The following SLC6A13 variants were observed in gnomAD, a reference collection of about 807,000 sequenced individuals.
SLC6A13 encodes sodium- and chloride-dependent GABA transporter 2.
A neutral mutation model predicts 72.9 loss-of-function variants in SLC6A13; 69 were observed. That is an observed-to-expected ratio of 0.95 (90% CI 0.78 to 1.16). The LOEUF is 1.16. Among genes scored for constraint, SLC6A13 ranks in the 50% most tolerant of loss-of-function variants. SLC6A13 has a pLI of 0.00. For synonymous variants in SLC6A13, 303 were observed against 303.0 expected, an observed-to-expected ratio of 1.00 and a Z score of 0.00; for missense variants, 735 against 760.5, an observed-to-expected ratio of 0.97 and a Z score of 0.39.
chr12:222,711 G>T, intron 12 of SLC6A13, 79 bp from the exon 13 acceptor site: 3 of 821,350 alleles, frequency 3.7e-6, no homozygotes, highest in South Asian at 3.2e-5. Flanking sequence ...GCCACAAACA[G>T]ACCAGAATGG....
Position 239,660 on chromosome 12 carries a change from T to A in SLC6A13, c.479-1650A>T, listed in dbSNP as rs185126999. Among the ~76,000 whole-genome samples, 803 of 152,302 alleles carry A rather than the reference T, an allele frequency of 5.3e-3. 2 individuals are homozygous for A. The highest frequency in any genetic ancestry group is 0.01 in the Middle Eastern group (3 of 294). ...TTATGTCTACCTCCCATCGCTACAA[T>A]GAAAGCCCCAGGAGGGTGGGGTCTT... On this transcript the variant is annotated intron_variant, in intron 4 of 14. Transcript: ENST00000343164.
intron 8 of SLC6A13, 103 bp downstream of exon 8, chr12:227,462 G>T (rs1941509175): frequency 6.4e-7 from 1 of 1,553,912 alleles, no homozygotes; most frequent in African/African-American, 1.4e-5. Flanking sequence ...CAGGGGGGCA[G>T]ATCCAGGAGC....
At chr12:225,723 A>T (rs1941422989) in intron 9 of SLC6A13, among the ~76,000 whole-genome samples, 1 of 151,980 alleles carries the variant, frequency 6.6e-6, no homozygotes. Flanking sequence ...ACAGACATCC[A>T]CTGCCCAGGG....
At chr12:222,457 C>A in intron 13 of SLC6A13, 75 bp downstream of exon 13, 2 of 837,908 alleles carry the variant, frequency 2.4e-6, no homozygotes, top group Non-Finnish European at 3.8e-6. Flanking sequence ...CATTGCAGGG[C>A]TAACGGCTTC....
At chr12:247,088 TG>T (rs1421438082) in intron 2 of SLC6A13, among the ~76,000 whole-genome samples, 5 of 148,378 alleles carry the variant, frequency 3.4e-5, no homozygotes, top group Non-Finnish European at 7.5e-5. Context: ...TATGCCTAAG[TG>T]GTGAGACAGC....
At chr12:242,055 C>T in intron 4 of SLC6A13, among the ~76,000 whole-genome samples, 1 of 152,190 alleles carries the variant, frequency 6.6e-6, no homozygotes. Flanking sequence ...TGTGGGTGTG[C>T]ACTCTGTGCT....
intron 11 of SLC6A13, 62 bp from the exon 12 acceptor site, chr12:223,296 C>T: frequency 9.2e-7 from 1 of 1,083,732 alleles, no homozygotes; most frequent in South Asian, 1.4e-5. Context: ...AGATTCACTC[C>T]TATGCCCTTT....
chr12:235,164 C>T lies in SLC6A13; in HGVS notation c.757G>A (p.Val253Met), dbSNP rs374794239. 15 of 1,614,166 alleles carry T rather than the reference C, an allele frequency of 9.3e-6. No homozygotes were observed. The highest frequency in any genetic ancestry group is 1.3e-5 in the Non-Finnish European group (15 of 1,180,002). Residue 253 changes from valine (V) to methionine (M), a missense_variant, in exon 7 of 15, where the codon GTG (valine) becomes ATG (methionine). Coordinates refer to ENST00000343164, the MANE Select transcript of SLC6A13 (RefSeq NM_016615.5). ...CCTTGGGCTGCCCCAGGCAACGTCA[C>T]CCCTCGAATTAACAGGACCACCAGC... ...LMLVVLLIRG[V>M]TLPGAAQGIQ...
chr12:243,393 C>G (rs1221342822), intron 3 of SLC6A13, among the ~76,000 whole-genome samples: 2 of 152,194 alleles, frequency 1.3e-5, no homozygotes, highest in Non-Finnish European at 2.9e-5. Context: ...TTAAATATGT[C>G]TTAAAATACA....
At position 221,063 on chromosome 12, in the gene SLC6A13, C is replaced by T. The variant is rs141229734; in HGVS notation, c.1694G>A (p.Arg565His). The T allele has an allele frequency of 3.1e-5, 49 of 1,604,010 alleles. No homozygotes were observed. The highest frequency in any genetic ancestry group is 5.3e-5 in the African/African-American group (4 of 74,866). ...TLKGPFRERIRQLMCPAEDLP... is the reference protein window; with the variant it reads ...TLKGPFRERIHQLMCPAEDLP... ...GTCCTCGGCTGGGCACATGAGCTGACGGATTCTCTGCGGGGATAGCAGAGG... is the reference window on the plus strand; with the variant it reads ...GTCCTCGGCTGGGCACATGAGCTGATGGATTCTCTGCGGGGATAGCAGAGG... Residue 565 changes from arginine (R) to histidine (H), a missense_variant, in exon 15 of 15, where the codon CGT becomes CAT. By Grantham distance (29) the Arg-to-His change is conservative. Coordinates refer to ENST00000343164, the MANE Select transcript of SLC6A13 (RefSeq NM_016615.5).
intron 5 of SLC6A13, among the ~76,000 whole-genome samples, chr12:237,702 G>A (rs893862009): frequency 5.9e-5 from 9 of 152,288 alleles, no homozygotes; most frequent in Admixed American, 1.3e-4. Flanking sequence ...AACACGGGGC[G>A]GGGGTGCGGG....
intron 9 of SLC6A13, 122 bp downstream of exon 9, chr12:226,268 C>G (rs3782867): frequency 0.15 from 177,488 of 1,178,936 alleles, 14,571 homozygotes; most frequent in Non-Finnish European, 0.17. Context: ...CAGAACGCAT[C>G]CACTGAATGG....
rs1225963164 is a variant in SLC6A13, at chr12:223,985, C to T, written c.1311+7G>A. The T allele has an allele frequency of 1.2e-6, 2 of 1,613,944 alleles. No homozygotes were observed. The highest frequency in any genetic ancestry group is 1.7e-6 in the Non-Finnish European group (2 of 1,179,888). On this transcript the variant is annotated splice_region_variant and intron_variant, in intron 11 of 14. Coordinates refer to ENST00000343164, the MANE Select transcript of SLC6A13 (RefSeq NM_016615.5). Reference sequence around the variant, plus strand: ...CCCCAGCCTTCCCCCGCTTCCCAGGCCCTCACCTCTGTGAGCATGATCAGC... The same window carrying T: ...CCCCAGCCTTCCCCCGCTTCCCAGGTCCTCACCTCTGTGAGCATGATCAGC...
intron 1 of SLC6A13, among the ~76,000 whole-genome samples, chr12:261,137 A>T (rs1282916136): frequency 6.6e-6 from 1 of 152,198 alleles, no homozygotes; most frequent in East Asian, 1.9e-4. Context: ...TTAACCATTC[A>T]CTGTCAGAAA....
Position 245,845 on chromosome 12 carries a change from C to T in SLC6A13, c.203-2032G>A, listed in dbSNP as rs957211958. On this transcript the variant is annotated intron_variant, in intron 2 of 14. Transcript: ENST00000343164. ...TAAAAATACAAAAATTAGCTGGGCGCGGTGGCTCAAGCCTGTAATCCCAGC... is the reference window on the plus strand; with the variant it reads ...TAAAAATACAAAAATTAGCTGGGCGTGGTGGCTCAAGCCTGTAATCCCAGC... 1.6e-4 allele frequency among the ~76,000 whole-genome samples: 24 copies of T among 151,124 alleles called. No homozygotes were observed. The East Asian group carries it at 2.5e-3, about 16-fold the overall frequency.
chr12:245,975 G>A (rs544719571), intron 2 of SLC6A13, among the ~76,000 whole-genome samples: 57 of 151,398 alleles, frequency 3.8e-4, no homozygotes, highest in African/African-American at 1.1e-3. Flanking sequence ...AAAATTAGCC[G>A]GGTGTGGTGG....
At position 224,468 on chromosome 12, in the gene SLC6A13, A is replaced by G; in HGVS notation, c.1106T>C (p.Leu369Pro). 2 of 1,614,166 alleles carry G rather than the reference A, an allele frequency of 1.2e-6. No homozygotes were observed. Among genetic ancestry groups the G allele is most frequent in the Non-Finnish European group, 1.7e-6 (2 of 1,180,032 alleles). Reference protein sequence around the residue: ...FIAYPRAVVMLPFSPLWACCF... With the variant: ...FIAYPRAVVMPPFSPLWACCF... Reference sequence around the variant, plus strand: ...GCAGGCCCAGAGAGGAGAGAAGGGCAGCATCACCACAGCCCGCGGGTAAGC... The same window carrying G: ...GCAGGCCCAGAGAGGAGAGAAGGGCGGCATCACCACAGCCCGCGGGTAAGC... Residue 369 changes from leucine (L) to proline (P), a missense_variant, in exon 10 of 15, where the codon CTG becomes CCG. Physicochemically the swap from Leu to Pro is moderately conservative, Grantham distance 98. Transcript: ENST00000343164.
At chr12:236,452 G>A (rs547550237) in intron 6 of SLC6A13, among the ~76,000 whole-genome samples, 11 of 152,294 alleles carry the variant, frequency 7.2e-5, no homozygotes, top group South Asian at 4.1e-4. Context: ...TATTGGGAGC[G>A]GGTTCCCCGG....
chr12:252,805 CAAGCCAATGTTT>C (rs1261443824), intron 2 of SLC6A13, among the ~76,000 whole-genome samples: 1 of 152,254 alleles, frequency 6.6e-6, no homozygotes, highest in Non-Finnish European at 1.5e-5. Context: ...CTCTATAAAC[CAAGCCAATGTTT>C]AACTCTGGGC....
Sources: gnomAD v4.1 joint callset for allele counts (sites outside exome capture counted in the v4.1 genomes callset) on GRCh38, gnomAD v4.1.1 for gene constraint, MANE v1.5 for transcripts, NCBI Gene and HGNC (gene_info 2026-07-23, HGNC 2026-07-21) for gene names.